NECAB2: variants seen among roughly 807,000 people sequenced by gnomAD.
NECAB2 encodes N-terminal EF-hand calcium binding protein 2, also known as N-terminal EF-hand calcium-binding protein 2.
In NECAB2, 68 loss-of-function variants were observed where a neutral mutation model predicts 51.9. The ratio of observed to expected loss-of-function variants is 1.31; its 90% CI spans 1.08 to 1.60. The LOEUF (loss-of-function observed/expected upper bound fraction) is 1.60, where lower values mean the gene tolerates loss of function less well. Among genes scored for constraint, NECAB2 ranks in the 40% most tolerant of loss-of-function variants. The pLI is 0.00. For missense variants in NECAB2, 854 were observed against 490.3 expected (o/e 1.74, Z -7.00); for synonymous variants, 329 against 203.5 (o/e 1.62, Z -5.25).
intron 5 of NECAB2, among the ~76,000 whole-genome samples, chr16:83,985,410 A>G (rs899045993): frequency 3.3e-5 from 5 of 150,168 alleles, no homozygotes; most frequent in Non-Finnish European, 3.0e-5. Flanking sequence ...CGAGGCAGAT[A>G]GATCACAAGG....
intron 3 of NECAB2, 35 bp from the exon 4 acceptor site, chr16:83,980,804 T>C: frequency 1.3e-6 from 2 of 1,558,892 alleles, no homozygotes; most frequent in East Asian, 4.9e-5. Flanking sequence ...CCCCTCTCTG[T>C]CTCTGTCTGT....
chr16:84,000,277 C>T (rs1250777106), intron 10 of NECAB2, among the ~76,000 whole-genome samples: 1 of 152,168 alleles, frequency 6.6e-6, no homozygotes, highest in African/African-American at 2.4e-5. Context: ...AGTTTGCAAT[C>T]CTGGCACTTT....
intron 8 of NECAB2, among the ~76,000 whole-genome samples, chr16:83,996,599 G>A (rs1349179675): frequency 7.0e-6 from 1 of 143,820 alleles, no homozygotes; most frequent in African/African-American, 2.5e-5. Flanking sequence ...TGTGCGTCAG[G>A]TAGACACACT....
chr16:84,002,375 C>T lies in NECAB2; in HGVS notation c.*29C>T, dbSNP rs374422209. On this transcript the variant is annotated 3_prime_UTR_variant, in exon 13 of 13. Transcript: ENST00000305202. ...CCTCCCAGAGGCCCGTGGAGGAGCC[C>T]ACCAGCCCCTTCTTCTTGTGAAGGA... The T allele has an allele frequency of 2.5e-6, 4 of 1,610,726 alleles. No homozygotes were observed. The highest frequency in any genetic ancestry group is 1.7e-6 in the Non-Finnish European group (2 of 1,178,084).
chr16:83,991,391 G>C (rs1161353598), intron 6 of NECAB2, among the ~76,000 whole-genome samples: 2 of 109,832 alleles, frequency 1.8e-5, no homozygotes, highest in Admixed American at 1.1e-4. Context: ...TTTTGAGATC[G>C]AGTCTTGCTC....
rs548695685 is a variant in NECAB2 at position 84,000,899 on chromosome 16, G to C, written c.1040+98G>C. The C allele has an allele frequency of 1.3e-5, 16 of 1,218,626 alleles. No homozygotes were observed. In the East Asian group the frequency reaches 1.6e-4, roughly 13 times the overall value. 75.5% of individuals were successfully genotyped at this position (1,218,626 alleles called of 1,614,324 possible). Reference sequence around the variant, plus strand: ...CATCCTTGGAGGGGAGGGTAAGGCCGAGTCCAGTCAGCAGATTCCCGAGGC... The same window carrying C: ...CATCCTTGGAGGGGAGGGTAAGGCCCAGTCCAGTCAGCAGATTCCCGAGGC... On this transcript the variant is annotated intron_variant, in intron 11 of 12. Transcript: ENST00000305202.
At chr16:83,979,189 G>T (rs771900823) in intron 3 of NECAB2, among the ~76,000 whole-genome samples, 4 of 152,278 alleles carry the variant, frequency 2.6e-5, no homozygotes, top group Admixed American at 6.5e-5. Flanking sequence ...GGATTCCCCA[G>T]ACAGGATGAG....
intron 5 of NECAB2, among the ~76,000 whole-genome samples, chr16:83,988,545 C>T (rs2084582905): frequency 1.3e-5 from 2 of 151,960 alleles, no homozygotes; most frequent in African/African-American, 4.8e-5. Context: ...ATTTCCTAAC[C>T]TCTGTAACCT....
rs529644374 is a variant in NECAB2 at position 83,997,217 on chromosome 16, C to A, written c.797C>A (p.Ala266Glu). 3.1e-6 allele frequency: 5 copies of A among 1,614,036 alleles called. No homozygotes were observed. The highest frequency in any genetic ancestry group is 3.4e-6 in the Non-Finnish European group (4 of 1,180,032). ...AELIGRLESK[A>E]LWFDLQQRLS... The stretch of plus-strand genomic sequence containing the variant: ...TCACTGTGTGCTGGATTGTTTCAGG[C>A]ACTGTGGTTCGACCTGCAGCAGCGC... Residue 266 changes from alanine to glutamate, a missense_variant and splice_region_variant, in exon 9 of 13, where the codon GCA becomes GAA. By Grantham distance (107) the Ala-to-Glu change is moderately radical. Coordinates refer to ENST00000305202, the MANE Select transcript of NECAB2 (RefSeq NM_019065.3).
At position 83,981,020 on chromosome 16, in the gene NECAB2, C is replaced by G. The variant is rs72793608; in HGVS notation, c.362-10C>G. 6.2e-7 allele frequency: 1 copy of G among 1,613,768 alleles called. No homozygotes were observed. The highest frequency in any genetic ancestry group is 1.7e-5 in the Admixed American group (1 of 60,022). ...CCTGTGACCCCTGACCTTTGCCTTT[C>G]CTTCCCCAGATTACTTTGTGGACCA... On this transcript the variant is annotated splice_polypyrimidine_tract_variant and intron_variant, in intron 4 of 12. Transcript: ENST00000305202.
chr16:83,969,794 C>G (rs1421563359), intron 1 of NECAB2, among the ~76,000 whole-genome samples: 1 of 152,098 alleles, frequency 6.6e-6, no homozygotes, highest in Non-Finnish European at 1.5e-5. Context: ...CTGCCTCTGC[C>G]TGTGTGGTGG....
chr16:83,998,753 A>C (rs1296427382), intron 10 of NECAB2, among the ~76,000 whole-genome samples: 1 of 152,088 alleles, frequency 6.6e-6, no homozygotes, highest in Non-Finnish European at 1.5e-5. Flanking sequence ...GAGGAAGGAG[A>C]GGAGAGTCGG....
chr16:83,972,113 C>G (rs200000997), intron 1 of NECAB2, 38 bp from the exon 2 acceptor site: 9 of 1,612,614 alleles, frequency 5.6e-6, no homozygotes, highest in South Asian at 1.1e-5. Context: ...GCTTGCCTCT[C>G]CCTGGCCCAG....
chr16:83,997,969 A>C (rs765248709), intron 9 of NECAB2, among the ~76,000 whole-genome samples: 8 of 152,098 alleles, frequency 5.3e-5, no homozygotes, highest in Non-Finnish European at 8.8e-5. Flanking sequence ...GGGCCTCTGT[A>C]AACAACCTCG....
intron 11 of NECAB2, 84 bp downstream of exon 11, chr16:84,000,885 G>A (rs533078827): frequency 7.3e-7 from 1 of 1,370,600 alleles, no homozygotes; most frequent in Non-Finnish European, 1.0e-6. Flanking sequence ...ATCCTTGGAG[G>A]GGAGGGTAAG....
At chr16:83,965,666 C>T (rs1567658984), upstream of NECAB2, 1 of 1,613,528 alleles carries the variant, frequency 6.2e-7, no homozygotes, top group Non-Finnish European at 8.5e-7. Context: ...CCCCAGGCAC[C>T]AGCTGCTGTG....
At position 83,975,019 on chromosome 16, in the gene NECAB2, AG is replaced by A. The variant is rs1367291804; in HGVS notation, c.226+2845del. On this transcript the variant is annotated intron_variant, in intron 2 of 12. Transcript: ENST00000305202. Reference sequence around the variant, plus strand: ...GAATGTGAACCGGTGTGCAGGGATGAGAGCAGGTGTGCAGGGAGGTGTGCAG... The same window carrying A: ...GAATGTGAACCGGTGTGCAGGGATGAAGCAGGTGTGCAGGGAGGTGTGCAG... Among the ~76,000 whole-genome samples, 20 of 126,104 alleles carry A rather than the reference AG, an allele frequency of 1.6e-4. No individual in the cohort carries two copies. The Admixed American group carries it at 1.7e-3, about 11-fold the overall frequency. 82.7% of individuals were successfully genotyped at this position (126,104 alleles called of 152,430 possible).
intron 10 of NECAB2, 74 bp downstream of exon 10, chr16:83,998,391 C>A: frequency 2.1e-6 from 3 of 1,426,188 alleles, no homozygotes; most frequent in South Asian, 1.2e-5. Flanking sequence ...CAGGGCAGGA[C>A]TAGGCTTTGC....
At chr16:83,997,070 C>T (rs2084713124) in intron 8 of NECAB2, 146 bp from the exon 9 acceptor site, 3 of 803,028 alleles carry the variant, frequency 3.7e-6, no homozygotes, top group South Asian at 3.4e-5. Flanking sequence ...GAGTCTCTGC[C>T]ACTTCCTAGC....
Sources: allele counts gnomAD v4.1 joint callset (sites outside exome capture counted in the v4.1 genomes callset), GRCh38; gene constraint gnomAD v4.1.1; transcripts MANE v1.5; gene names NCBI Gene and HGNC (gene_info 2026-07-23, HGNC 2026-07-21).